The following RAP1GAP2 variants were observed in gnomAD, a reference collection of about 807,000 sequenced individuals.
The protein encoded by RAP1GAP2 is rap1 GTPase-activating protein 2.
In RAP1GAP2, 27 loss-of-function variants were observed where a neutral mutation model predicts 95.0. The observed-to-expected ratio is 0.28, with a 90% CI of 0.21 to 0.39. The LOEUF is 0.39. RAP1GAP2 is among the 10% of genes least tolerant of loss of function. RAP1GAP2 has a pLI of 1.00. For missense variants in RAP1GAP2, 771 were observed against 970.0 expected, an observed-to-expected ratio of 0.79 and a Z score of 2.72; for synonymous variants, 373 against 380.9, an observed-to-expected ratio of 0.98 and a Z score of 0.24.
intron 2 of RAP1GAP2, among the ~76,000 whole-genome samples, chr17:2,849,532 A>G (rs983851469): frequency 3.3e-5 from 5 of 152,226 alleles, no homozygotes; most frequent in African/African-American, 1.2e-4. Context: ...CTGGCCCCTC[A>G]GGAACGGGCT....
chr17:2,761,095 C>A (rs554927475), intron 1 of RAP1GAP2, among the ~76,000 whole-genome samples: 1 of 151,440 alleles, frequency 6.6e-6, no homozygotes, highest in Admixed American at 6.6e-5. Flanking sequence ...GCTGGGATTA[C>A]AGGCGTGTGC....
At chr17:2,842,454 C>T (rs568932952) in intron 2 of RAP1GAP2, among the ~76,000 whole-genome samples, 7 of 148,176 alleles carry the variant, frequency 4.7e-5, no homozygotes, top group South Asian at 2.2e-4. Flanking sequence ...TGCTTGAATC[C>T]GGGAGGCAGA....
At chr17:2,883,364 A>C (rs1431798554) in intron 2 of RAP1GAP2, among the ~76,000 whole-genome samples, 1 of 152,198 alleles carries the variant, frequency 6.6e-6, no homozygotes, top group Non-Finnish European at 1.5e-5. Flanking sequence ...GGGAGGGTCC[A>C]GAAAGGCCTC....
intron 3 of RAP1GAP2, among the ~76,000 whole-genome samples, chr17:2,943,883 C>T (rs569136683): frequency 7.2e-5 from 11 of 152,168 alleles, no homozygotes; most frequent in African/African-American, 2.6e-4. Flanking sequence ...GGCATGGTGG[C>T]TCACGCCTGT....
At chr17:3,031,121 CTCTGGGGACG>C in intron 23 of RAP1GAP2, 123 bp downstream of exon 23, 2 of 1,108,480 alleles carry the variant, frequency 1.8e-6, no homozygotes, top group Non-Finnish European at 2.6e-6. Context: ...GCAGGGGAAG[CTCTGGGGACG>C]TCTGGCTCCA....
chr17:2,849,323 C>T (rs894942587), intron 2 of RAP1GAP2, among the ~76,000 whole-genome samples: 1 of 152,132 alleles, frequency 6.6e-6, no homozygotes, highest in Non-Finnish European at 1.5e-5. Flanking sequence ...AGTCATTCTG[C>T]CCAGCAGTGG....
chr17:2,999,166 T>C (rs887933782), intron 14 of RAP1GAP2, among the ~76,000 whole-genome samples: 1 of 152,190 alleles, frequency 6.6e-6, no homozygotes, highest in African/African-American at 2.4e-5. Context: ...GGCAGCTCAT[T>C]GCCCCTGCAG....
chr17:2,960,121 C>G (rs1264601132), intron 4 of RAP1GAP2, among the ~76,000 whole-genome samples: 2 of 61,062 alleles, frequency 3.3e-5, no homozygotes, highest in Non-Finnish European at 5.5e-5. Context: ...AAGACTCCAT[C>G]TCAAAAAAAA....
intron 21 of RAP1GAP2, 75 bp downstream of exon 21, chr17:3,026,539 A>G: frequency 8.4e-7 from 1 of 1,188,610 alleles, no homozygotes; most frequent in Non-Finnish European, 1.2e-6. Context: ...TTAAAACGGC[A>G]CTGTGGATCG....
chr17:2,817,631 C>T (rs1406282564), intron 2 of RAP1GAP2, among the ~76,000 whole-genome samples: 1 of 117,586 alleles, frequency 8.5e-6, no homozygotes, highest in African/African-American at 2.8e-5. Context: ...AGTGATTCTC[C>T]TGCCTCAGCC....
upstream of RAP1GAP2, among the ~76,000 whole-genome samples, chr17:2,776,070 T>G (rs2068492003): frequency 6.6e-6 from 1 of 152,038 alleles, no homozygotes; most frequent in African/African-American, 2.4e-5. Context: ...TCCCAGCTAC[T>G]CGGCAGGCTG....
chr17:2,858,101 A>G (rs776234328), intron 2 of RAP1GAP2, among the ~76,000 whole-genome samples: 21 of 152,278 alleles, frequency 1.4e-4, no homozygotes, highest in Non-Finnish European at 3.1e-4. Flanking sequence ...CTCTGTCTCA[A>G]AAAAAAGGTA....
chr17:3,024,556 A>G (rs2047047572), intron 19 of RAP1GAP2, among the ~76,000 whole-genome samples: 1 of 152,182 alleles, frequency 6.6e-6, no homozygotes, highest in Non-Finnish European at 1.5e-5. Flanking sequence ...TATACCCAAG[A>G]GAGTTGAGAA....
intron 1 of RAP1GAP2, among the ~76,000 whole-genome samples, chr17:2,759,859 T>C (rs2071211386): frequency 6.6e-6 from 1 of 152,148 alleles, no homozygotes; most frequent in South Asian, 2.1e-4. Context: ...AGATTATAGA[T>C]TTGAGCCAGC....
intron 10 of RAP1GAP2, among the ~76,000 whole-genome samples, chr17:2,982,192 T>A (rs1373224743): frequency 6.6e-6 from 1 of 152,106 alleles, no homozygotes; most frequent in East Asian, 1.9e-4. Flanking sequence ...CAGGCTGGAG[T>A]GCAGTGGCGT....
intron 17 of RAP1GAP2, among the ~76,000 whole-genome samples, chr17:3,012,031 G>A (rs1031806862): frequency 5.3e-5 from 8 of 152,102 alleles, no homozygotes; most frequent in East Asian, 1.9e-4. Context: ...GCTCCCCCAC[G>A]TCAGCACTGA....
At chr17:2,815,240 C>A (rs143532057) in intron 2 of RAP1GAP2, among the ~76,000 whole-genome samples, 2 of 152,220 alleles carry the variant, frequency 1.3e-5, no homozygotes, top group Admixed American at 6.5e-5. Flanking sequence ...CACTTTCCCC[C>A]ACAGTGCGGC....
chr17:2,911,180 C>A (rs954411522), intron 3 of RAP1GAP2, among the ~76,000 whole-genome samples: 2 of 152,178 alleles, frequency 1.3e-5, no homozygotes, highest in African/African-American at 4.8e-5. Flanking sequence ...CCCCCCGGGC[C>A]CCCACCCTCA....
chr17:2,899,121 G>A lies in RAP1GAP2; in HGVS notation c.81-6163G>A, dbSNP rs188165872. ...GGCACCGTGCTTCCTAGGTGCATCC[G>A]TGTTGTAGCATGCATCAGTTCTTCA... On this transcript the variant is annotated intron_variant, in intron 2 of 24. Transcript: ENST00000254695. Among the ~76,000 whole-genome samples, 4 of 152,288 alleles carry A rather than the reference G, an allele frequency of 2.6e-5. No homozygotes were observed. The East Asian group carries it at 5.8e-4, about 22-fold the overall frequency.
Sources: gnomAD v4.1 joint callset for allele counts (sites outside exome capture counted in the v4.1 genomes callset) on GRCh38, gnomAD v4.1.1 for gene constraint, MANE v1.5 for transcripts, NCBI Gene and HGNC (gene_info 2026-07-23, HGNC 2026-07-21) for gene names.